The following PRKCA variants were observed in gnomAD, a reference collection of about 807,000 sequenced individuals.
PRKCA encodes the protein protein kinase C alpha, also known as protein kinase C alpha type.
PRKCA carries 27 observed loss-of-function variants against 87.0 expected under a neutral mutation model. The ratio of observed to expected loss-of-function variants is 0.31; its 90% CI spans 0.23 to 0.43. The LOEUF (loss-of-function observed/expected upper bound fraction) is 0.43, where lower values mean the gene tolerates loss of function less well. Ranked by LOEUF, PRKCA falls within the 20% of genes least tolerant of loss-of-function variation. The pLI is 1.00. For missense variants in PRKCA, 518 were observed against 852.3 expected (o/e 0.61, Z 4.88); for synonymous variants, 329 against 311.1 (o/e 1.06, Z -0.61).
chr17:66,538,040 A>G (rs539450452), intron 3 of PRKCA, among the ~76,000 whole-genome samples: 25 of 152,094 alleles, frequency 1.6e-4, no homozygotes, highest in Non-Finnish European at 3.5e-4. Flanking sequence ...AGCTCAGGCA[A>G]TCTGCCCGCC....
intron 14 of PRKCA, chr17:66,777,421 TCCCCTCC>T: frequency 3.9e-6 from 1 of 256,550 alleles, no homozygotes; most frequent in Non-Finnish European, 5.8e-6. Flanking sequence ...TTTATTTAGT[TCCCCTCC>T]CCCCACCCCA....
intron 3 of PRKCA, among the ~76,000 whole-genome samples, chr17:66,504,362 G>A (rs1916878034): frequency 6.6e-6 from 1 of 152,146 alleles, no homozygotes; most frequent in African/African-American, 2.4e-5. Context: ...GCCGAGGCAG[G>A]TGGATCACCT....
intron 5 of PRKCA, among the ~76,000 whole-genome samples, chr17:66,679,644 C>T (rs1187842603): frequency 1.3e-5 from 2 of 152,272 alleles, no homozygotes; most frequent in Non-Finnish European, 2.9e-5. Context: ...TCACTTTTCC[C>T]TCTGTGCTCT....
At chr17:66,613,523 AG>A (rs1335297391) in intron 3 of PRKCA, among the ~76,000 whole-genome samples, 3 of 152,176 alleles carry the variant, frequency 2.0e-5, no homozygotes, top group African/African-American at 2.4e-5. Context: ...GAAGTCCAAA[AG>A]ACACCCATCA....
intron 2 of PRKCA, among the ~76,000 whole-genome samples, chr17:66,468,906 G>A (rs948554223): frequency 4.6e-5 from 7 of 152,160 alleles, no homozygotes; most frequent in African/African-American, 1.7e-4. Context: ...TTTGAATGCT[G>A]TCTTCCCAGC....
intron 3 of PRKCA, among the ~76,000 whole-genome samples, chr17:66,615,714 A>G (rs1970498043): frequency 6.6e-6 from 1 of 152,140 alleles, no homozygotes; most frequent in African/African-American, 2.4e-5. Flanking sequence ...TGAAACCAGC[A>G]CATCCCTGTG....
At chr17:66,775,688 G>C (rs903923332) in intron 14 of PRKCA, 11 of 985,444 alleles carry the variant, frequency 1.1e-5, no homozygotes, top group Non-Finnish European at 1.2e-5. Flanking sequence ...AGACATCTTT[G>C]TTTCTGGGGA....
At chr17:66,661,574 G>T (rs2098510953) in intron 5 of PRKCA, among the ~76,000 whole-genome samples, 1 of 152,190 alleles carries the variant, frequency 6.6e-6, no homozygotes, top group Non-Finnish European at 1.5e-5. Flanking sequence ...ACGTCAACCT[G>T]CTCCTGGCCT....
At chr17:66,487,937 T>C (rs1462728068) in intron 2 of PRKCA, among the ~76,000 whole-genome samples, 1 of 152,218 alleles carries the variant, frequency 6.6e-6, no homozygotes, top group East Asian at 1.9e-4. Context: ...GCACAGAAGC[T>C]TCTTAGCTTG....
Position 66,804,269 on chromosome 17 carries a change from T to C in PRKCA, c.*232T>C, listed in dbSNP as rs1975973949. 5 of 503,074 alleles carry C rather than the reference T, an allele frequency of 9.9e-6. No individual in the cohort carries two copies. Among genetic ancestry groups the C allele is most frequent in the Non-Finnish European group, 1.6e-5 (5 of 307,864 alleles). The allele number at this position is 503,074 out of a possible 1,614,324, so 31.2% of individuals were successfully genotyped here. On this transcript the variant is annotated 3_prime_UTR_variant, in exon 17 of 17. Transcript: ENST00000413366. Reference sequence around the variant, plus strand: ...ACGTCATGCTCAGTGTCCAGTTTAATTCTGTAGAAGTTACGTCTGGCTCTA... The same window carrying C: ...ACGTCATGCTCAGTGTCCAGTTTAACTCTGTAGAAGTTACGTCTGGCTCTA...
At chr17:66,347,941 CTTTT>C (rs57292153) in intron 2 of PRKCA, among the ~76,000 whole-genome samples, 10 of 56,440 alleles carry the variant, frequency 1.8e-4, no homozygotes, top group South Asian at 2.0e-3. Flanking sequence ...AATTCTGAAC[CTTTT>C]TTTTTTTTTT....
intron 2 of PRKCA, among the ~76,000 whole-genome samples, chr17:66,438,016 G>C (rs1252084430): frequency 1.3e-5 from 2 of 152,014 alleles, no homozygotes; most frequent in African/African-American, 4.8e-5. Flanking sequence ...GGTGGGGTTT[G>C]GGGGGTGGGT....
intron 5 of PRKCA, among the ~76,000 whole-genome samples, chr17:66,675,381 T>C (rs1327617540): frequency 6.6e-6 from 1 of 152,008 alleles, no homozygotes; most frequent in East Asian, 1.9e-4. Context: ...CAAACACAAA[T>C]TGGGGGCAGG....
At chr17:66,534,752 G>A (rs892849750) in intron 3 of PRKCA, among the ~76,000 whole-genome samples, 2 of 152,128 alleles carry the variant, frequency 1.3e-5, no homozygotes, top group African/African-American at 2.4e-5. Flanking sequence ...GTAACATGAG[G>A]GAAATGGACA....
In PRKCA at chr17:66,738,622, T is replaced by C; in HGVS notation, c.1231-142T>C. On this transcript the variant is annotated intron_variant, in intron 10 of 16. Coordinates refer to ENST00000413366, the MANE Select transcript of PRKCA (RefSeq NM_002737.3). ...TACTTATTCTTTCTTTGGAAAAAAA[T>C]GTGAAAGAGCTCTAAACTGAGCACA... 8.7e-6 allele frequency: 6 copies of C among 686,620 alleles called. 1 individual carries two copies. In the South Asian group the frequency reaches 1.0e-4, roughly 12 times the overall value. The allele number at this position is 686,620 out of a possible 1,614,324, so 42.5% of individuals were successfully genotyped here. A position where few individuals can be genotyped will look rare whatever the true frequency, so the allele number is the denominator to read the frequency against.
intron 3 of PRKCA, among the ~76,000 whole-genome samples, chr17:66,587,118 A>G (rs1969620446): frequency 6.6e-6 from 1 of 152,180 alleles, no homozygotes; most frequent in South Asian, 2.1e-4. Context: ...ATGGATGTTG[A>G]ACGTGATAGT....
chr17:66,448,405 G>A (rs1038836384), intron 2 of PRKCA, among the ~76,000 whole-genome samples: 17 of 152,126 alleles, frequency 1.1e-4, no homozygotes, highest in Non-Finnish European at 1.3e-4. Context: ...TTTGTGTGTC[G>A]TTTTGGCTGC....
At chr17:66,603,432 G>A (rs1293227545) in intron 3 of PRKCA, among the ~76,000 whole-genome samples, 4 of 152,164 alleles carry the variant, frequency 2.6e-5, no homozygotes, top group South Asian at 2.1e-4. Context: ...TTTTCAAAAC[G>A]GGTCCTTTTT....
At chr17:66,477,154 G>A (rs3888658) in intron 2 of PRKCA, among the ~76,000 whole-genome samples, 32,423 of 152,008 alleles carry the variant, frequency 0.21, 3,860 homozygotes, top group African/African-American at 0.31. Context: ...AAATGCCCAC[G>A]GATACAGCCA....
Sources: gnomAD v4.1 joint callset for allele counts (sites outside exome capture counted in the v4.1 genomes callset) on GRCh38, gnomAD v4.1.1 for gene constraint, MANE v1.5 for transcripts, NCBI Gene and HGNC (gene_info 2026-07-23, HGNC 2026-07-21) for gene names.